The following TPRG1 variants were observed in gnomAD, a reference collection of about 807,000 sequenced individuals.
TPRG1 encodes the protein tumor protein p63-regulated gene 1 protein.
TPRG1 carries 29 observed loss-of-function variants against 29.3 expected under a neutral mutation model. The ratio of observed to expected loss-of-function variants is 0.99; its 90% confidence interval spans 0.74 to 1.35. The LOEUF (loss-of-function observed/expected upper bound fraction) is 1.35, where lower values mean the gene tolerates loss of function less well. Ranked by LOEUF, TPRG1 falls within the 40% of genes most tolerant of loss-of-function variation. The probability of loss-of-function intolerance (pLI) is 0.00; values close to 1 mark genes in which losing one functional copy is unlikely to be tolerated. For synonymous variants in TPRG1, 130 were observed against 116.8 expected, an observed-to-expected ratio of 1.11 and a Z score of -0.73; for missense variants, 327 against 335.0, an observed-to-expected ratio of 0.98 and a Z score of 0.19.
chr3:189,074,883 C>G (rs188071683), intron 4 of TPRG1, among the ~76,000 whole-genome samples: 10 of 151,958 alleles, frequency 6.6e-5, no homozygotes, highest in African/African-American at 2.4e-4. Flanking sequence ...GCGATCTCCG[C>G]TCACTGCAAG....
At chr3:189,172,255 T>G (rs1728903880) in intron 1 of TPRG1, 124 bp downstream of exon 1, 1 of 152,224 alleles carries the variant, frequency 6.6e-6, no homozygotes, top group Admixed American at 6.5e-5. Context: ...TTGGTTTAGG[T>G]TTGTAGTTTT....
intron 4 of TPRG1, among the ~76,000 whole-genome samples, chr3:189,078,836 A>G (rs1025630724): frequency 2.6e-5 from 4 of 152,196 alleles, no homozygotes; most frequent in Admixed American, 6.5e-5. Context: ...TAATAATGTA[A>G]CAATAATGTC....
chr3:189,045,064 T>C (rs1041707718), intron 4 of TPRG1, among the ~76,000 whole-genome samples: 8 of 152,230 alleles, frequency 5.3e-5, no homozygotes, highest in African/African-American at 1.7e-4. Flanking sequence ...GTGTCCAGCA[T>C]AAGCTGAGCT....
At chr3:189,214,964 A>C (rs1207194412) in intron 2 of TPRG1, among the ~76,000 whole-genome samples, 1 of 143,050 alleles carries the variant, frequency 7.0e-6, no homozygotes, top group East Asian at 1.9e-4. Flanking sequence ...TTTAATTTAA[A>C]AATGTACAGA....
upstream of TPRG1, among the ~76,000 whole-genome samples, chr3:189,170,428 A>C (rs1728678639): frequency 6.6e-6 from 1 of 152,128 alleles, no homozygotes. Flanking sequence ...GCTCTTCTTA[A>C]CAGCCCGGAT....
chr3:189,056,101 C>T (rs960274203), intron 4 of TPRG1, among the ~76,000 whole-genome samples: 1 of 121,936 alleles, frequency 8.2e-6, no homozygotes, highest in Non-Finnish European at 1.6e-5. Context: ...TCCTTCCTTC[C>T]CTCTTTCTTT....
chr3:189,190,002 A>C (rs1172200678), intron 1 of TPRG1, among the ~76,000 whole-genome samples: 1 of 152,178 alleles, frequency 6.6e-6, no homozygotes, highest in African/African-American at 2.4e-5. Flanking sequence ...GGGAAGATAG[A>C]GCTTCTCTCA....
intron 5 of TPRG1, among the ~76,000 whole-genome samples, chr3:189,158,379 C>G (rs1254769596): frequency 6.6e-6 from 1 of 152,098 alleles, no homozygotes; most frequent in Non-Finnish European, 1.5e-5. Flanking sequence ...GAGGCCAAGG[C>G]AGGCGGATCA....
intron 2 of TPRG1, among the ~76,000 whole-genome samples, chr3:189,208,432 T>A (rs146973488): frequency 1.3e-5 from 2 of 152,012 alleles, no homozygotes; most frequent in Admixed American, 6.6e-5. Context: ...GGAAAAAAAA[T>A]GTATTTCAAC....
chr3:189,170,853 T>C (rs1204746352), upstream of TPRG1, among the ~76,000 whole-genome samples: 1 of 152,222 alleles, frequency 6.6e-6, no homozygotes, highest in Non-Finnish European at 1.5e-5. Flanking sequence ...GGGTGAATAT[T>C]AGTTATTTTT....
intron 4 of TPRG1, among the ~76,000 whole-genome samples, chr3:189,085,182 T>A (rs1457796741): frequency 6.6e-6 from 1 of 152,172 alleles, no homozygotes; most frequent in East Asian, 1.9e-4. Context: ...CCGGGCTCTG[T>A]TACCAAGTGG....
chr3:189,074,201 T>G (rs1273582431), intron 4 of TPRG1, among the ~76,000 whole-genome samples: 1 of 97,180 alleles, frequency 1.0e-5, no homozygotes, highest in South Asian at 2.9e-4. Flanking sequence ...TTATTTTCCT[T>G]TTTTTTTTTT....
chr3:189,081,978 C>T (rs1717622135), intron 4 of TPRG1, among the ~76,000 whole-genome samples: 1 of 152,166 alleles, frequency 6.6e-6, no homozygotes, highest in Non-Finnish European at 1.5e-5. Context: ...GCTAAACTCA[C>T]TAAGGAAGAG....
intron 4 of TPRG1, among the ~76,000 whole-genome samples, chr3:189,239,240 G>A (rs969927110): frequency 2.6e-5 from 4 of 151,934 alleles, no homozygotes; most frequent in South Asian, 2.1e-4. Context: ...TTATATGGCC[G>A]CAGCAAGAGA....
chr3:189,292,681 T>A (rs1719217391), intron 4 of TPRG1, among the ~76,000 whole-genome samples: 1 of 152,200 alleles, frequency 6.6e-6, no homozygotes, highest in African/African-American at 2.4e-5. Context: ...TTAACTTCTT[T>A]ATGGAATAAA....
intron 3 of TPRG1, among the ~76,000 whole-genome samples, chr3:189,011,987 C>G (rs1712626169): frequency 6.6e-6 from 1 of 152,114 alleles, no homozygotes; most frequent in Admixed American, 6.5e-5. Flanking sequence ...GATTTTGTAT[C>G]CTGAGACTTT....
chr3:189,294,793 C>T (rs148058347), intron 4 of TPRG1, among the ~76,000 whole-genome samples: 214 of 143,736 alleles, frequency 1.5e-3, no homozygotes, highest in African/African-American at 5.7e-3. Context: ...AATTACACAA[C>T]CCTTACAGTT....
At chr3:189,115,423 T>C (rs749758543) in intron 1 of TPRG1, among the ~76,000 whole-genome samples, 2 of 152,220 alleles carry the variant, frequency 1.3e-5, no homozygotes, top group Non-Finnish European at 2.9e-5. Context: ...TTGATAATTT[T>C]GTAGGCCAAG....
At chr3:189,218,874 T>G (rs1184142505) in intron 3 of TPRG1, among the ~76,000 whole-genome samples, 1 of 152,020 alleles carries the variant, frequency 6.6e-6, no homozygotes, top group Non-Finnish European at 1.5e-5. Context: ...CTCCTAGAAA[T>G]AGTTTGATGT....
Sources: gnomAD v4.1 joint callset for allele counts (sites outside exome capture counted in the v4.1 genomes callset) on GRCh38, gnomAD v4.1.1 for gene constraint, MANE v1.5 for transcripts, NCBI Gene and HGNC (gene_info 2026-07-23, HGNC 2026-07-21) for gene names.